The following WDFY3 variants were observed in gnomAD, a reference collection of about 807,000 sequenced individuals.
The protein encoded by WDFY3 is WD repeat and FYVE domain containing 3, also known as WD repeat and FYVE domain-containing protein 3.
WDFY3 carries 66 observed loss-of-function variants against 409.6 expected under a neutral mutation model. The observed-to-expected ratio is 0.16, with a 90% confidence interval of 0.13 to 0.20. The LOEUF is 0.20. WDFY3 is among the 10% of genes least tolerant of loss of function. The pLI is 1.00. For synonymous variants in WDFY3, 1,521 were observed against 1,537.1 expected (o/e 0.99, Z 0.25); for missense variants, 3,031 against 4,298.1 (o/e 0.71, Z 8.24).
At position 84,950,088 on chromosome 4, in the gene WDFY3, G is replaced by A. The variant is rs191885491; in HGVS notation, c.-226+16121C>T. ...CAGCCATAAAAAAGAATGAGTTCATGTGCTTTGCAGGGACATGGATGAAGC... is the reference window on the plus strand; with the variant it reads ...CAGCCATAAAAAAGAATGAGTTCATATGCTTTGCAGGGACATGGATGAAGC... On this transcript the variant is annotated intron_variant, in intron 1 of 67. Transcript: ENST00000295888. Among the ~76,000 whole-genome samples, 8 of 152,336 alleles carry A rather than the reference G, an allele frequency of 5.3e-5. No individual in the cohort carries two copies. In the East Asian group the frequency reaches 1.5e-3, roughly 29 times the overall value.
intron 32 of WDFY3, among the ~76,000 whole-genome samples, chr4:84,761,391 A>G (rs1742565289): frequency 6.6e-6 from 1 of 152,076 alleles, no homozygotes; most frequent in Non-Finnish European, 1.5e-5. Flanking sequence ...GATCTGTCTA[A>G]TGTTGACAGT....
In WDFY3 at chr4:84,836,914, T is replaced by C. The variant is rs1159933403; in HGVS notation, c.576+15A>G. 24 of 1,493,258 alleles carry C rather than the reference T, an allele frequency of 1.6e-5. No homozygotes were observed. Among genetic ancestry groups the C allele is most frequent in the Non-Finnish European group, 2.2e-5 (24 of 1,112,724 alleles). The allele number at this position is 1,493,258 out of a possible 1,614,324, so 92.5% of individuals were successfully genotyped here. On this transcript the variant is annotated intron_variant, in intron 7 of 67. Coordinates refer to ENST00000295888, the MANE Select transcript of WDFY3 (RefSeq NM_014991.6). Reference sequence around the variant, plus strand: ...TTTAAATAGGGTGGAGGTAGGCAAATAGCACCTTTCATACCTGTACAAAAA... The same window carrying C: ...TTTAAATAGGGTGGAGGTAGGCAAACAGCACCTTTCATACCTGTACAAAAA...
At chr4:84,787,866 G>C (rs180969646) in intron 22 of WDFY3, among the ~76,000 whole-genome samples, 153 bp from the exon 23 acceptor site, 3 of 152,176 alleles carry the variant, frequency 2.0e-5, no homozygotes, top group Non-Finnish European at 4.4e-5. Flanking sequence ...GGCAAGGCAC[G>C]ATACTGGGAT....
chr4:84,722,928 A>G (rs1018142015), intron 46 of WDFY3, among the ~76,000 whole-genome samples: 1 of 152,200 alleles, frequency 6.6e-6, no homozygotes, highest in Non-Finnish European at 1.5e-5. Context: ...AACATCCACA[A>G]GGGGTGGAAA....
intron 36 of WDFY3, among the ~76,000 whole-genome samples, chr4:84,748,983 C>G (rs913847182): frequency 6.6e-6 from 1 of 151,908 alleles, no homozygotes; most frequent in Non-Finnish European, 1.5e-5. Context: ...CTTTGAACAC[C>G]TGGGCTCAAG....
At chr4:84,916,140 C>T (rs974490638) in intron 2 of WDFY3, among the ~76,000 whole-genome samples, 6 of 151,820 alleles carry the variant, frequency 4.0e-5, no homozygotes, top group African/African-American at 1.2e-4. Flanking sequence ...AACGGATGAA[C>T]GACATTATAA....
At chr4:84,866,560 A>G (rs905008653) in intron 3 of WDFY3, among the ~76,000 whole-genome samples, 1 of 152,212 alleles carries the variant, frequency 6.6e-6, no homozygotes, top group African/African-American at 2.4e-5. Context: ...CCATCCCTTC[A>G]TCTGCATAGG....
chr4:84,744,297 T>C (rs1385894927), intron 36 of WDFY3, among the ~76,000 whole-genome samples: 2 of 151,694 alleles, frequency 1.3e-5, no homozygotes, highest in Non-Finnish European at 2.9e-5. Context: ...TTAAAACTAA[T>C]ACAAAAACCC....
intron 30 of WDFY3, among the ~76,000 whole-genome samples, chr4:84,768,456 T>A (rs1744071261): frequency 6.6e-6 from 1 of 152,190 alleles, no homozygotes; most frequent in African/African-American, 2.4e-5. Context: ...TGGAAGCCAA[T>A]GCTCATTGAT....
At chr4:84,898,415 A>G (rs1356458766) in intron 2 of WDFY3, among the ~76,000 whole-genome samples, 1 of 152,190 alleles carries the variant, frequency 6.6e-6, no homozygotes, top group Non-Finnish European at 1.5e-5. Flanking sequence ...GAAAGTAGAA[A>G]AGAGTTTTTT....
chr4:84,734,521 A>C lies in WDFY3; in HGVS notation c.6993+522T>G, dbSNP rs145229809. On this transcript the variant is annotated intron_variant, in intron 43 of 67. Transcript: ENST00000295888. ...ATCCAAAATAGCTAATCTGAGAATA[A>C]AATATTTAAGATAAGCTTTTGAGTA... Among the ~76,000 whole-genome samples, 650 of 152,308 alleles carry C rather than the reference A, an allele frequency of 4.3e-3. 4 individuals carry two copies. Among genetic ancestry groups the C allele is most frequent in the African/African-American group, 0.015 (608 of 41,568 alleles).
At position 84,911,996 on chromosome 4, in the gene WDFY3, C is replaced by T. The variant is rs147173846; in HGVS notation, c.-131-14986G>A. ...GCTATAGTGGTAAGCTCAAATGTTG[C>T]GAGTATTCATTAAAACACTGTGCGA... On this transcript the variant is annotated intron_variant, in intron 2 of 67. Coordinates refer to ENST00000295888, the MANE Select transcript of WDFY3 (RefSeq NM_014991.6). Among the ~76,000 whole-genome samples the T allele has an allele frequency of 1.2e-4, 19 of 152,286 alleles. No individual in the cohort carries two copies. The East Asian group carries it at 2.3e-3, about 19-fold the overall frequency.
At chr4:84,945,328 G>A (rs1014989844) in intron 1 of WDFY3, among the ~76,000 whole-genome samples, 1 of 152,182 alleles carries the variant, frequency 6.6e-6, no homozygotes, top group Non-Finnish European at 1.5e-5. Flanking sequence ...CTTCTTAGCA[G>A]GTAAATTATA....
rs558550955 is a variant in WDFY3 at position 84,703,313 on chromosome 4, T to C, written c.8443-807A>G. 2.6e-5 allele frequency among the ~76,000 whole-genome samples: 4 copies of C among 152,254 alleles called. No homozygotes were observed. The South Asian group carries it at 8.3e-4, about 32-fold the overall frequency. On this transcript the variant is annotated intron_variant, in intron 55 of 67. Transcript: ENST00000295888. The stretch of plus-strand genomic sequence containing the variant: ...TCAGTTACAGACCGATGAAGCAAAT[T>C]AAAATAGAAAAGGGATATTTTTCAC...
intron 2 of WDFY3, among the ~76,000 whole-genome samples, chr4:84,904,178 G>A (rs1040839079): frequency 1.3e-5 from 2 of 152,198 alleles, no homozygotes; most frequent in African/African-American, 4.8e-5. Flanking sequence ...GAATCTGCTG[G>A]TGCGTTGATC....
chr4:84,856,000 A>T (rs1240668849), intron 4 of WDFY3, among the ~76,000 whole-genome samples: 1 of 152,132 alleles, frequency 6.6e-6, no homozygotes, highest in Non-Finnish European at 1.5e-5. Flanking sequence ...AGTAAACATG[A>T]CTATTTCAGG....
chr4:84,705,643 C>A (rs927648916), intron 53 of WDFY3, 132 bp from the exon 54 acceptor site: 1 of 720,436 alleles, frequency 1.4e-6, no homozygotes. Context: ...ACTGGTATAA[C>A]TGGACTCCAA....
intron 4 of WDFY3, among the ~76,000 whole-genome samples, chr4:84,860,062 G>A (rs1454922090): frequency 1.3e-5 from 2 of 152,078 alleles, no homozygotes; most frequent in Non-Finnish European, 2.9e-5. Context: ...GCACCATTTG[G>A]TGTAATAAAA....
chr4:84,735,160 T>C (rs1197952064), intron 42 of WDFY3, 40 bp from the exon 43 acceptor site: 5 of 1,560,126 alleles, frequency 3.2e-6, no homozygotes, highest in African/African-American at 1.4e-5. Flanking sequence ...ATTTCATGGA[T>C]TTCTGGAAAA....
Sources: allele counts gnomAD v4.1 joint callset (sites outside exome capture counted in the v4.1 genomes callset), GRCh38; gene constraint gnomAD v4.1.1; transcripts MANE v1.5; gene names NCBI Gene and HGNC (gene_info 2026-07-23, HGNC 2026-07-21).